ATP10B: variants seen among roughly 807,000 people sequenced by gnomAD.
ATP10B encodes the protein phospholipid-transporting ATPase VB.
A neutral mutation model predicts 141.2 loss-of-function variants in ATP10B; 122 were observed. The ratio of observed to expected loss-of-function variants is 0.86; its 90% CI spans 0.75 to 1.00. ATP10B has a LOEUF of 1.00. ATP10B is among the 50% of genes least tolerant of loss of function. ATP10B has a pLI of 0.00. For missense variants in ATP10B, 1,876 were observed against 1,825.3 expected (o/e 1.03, Z -0.51); for synonymous variants, 685 against 692.0 (o/e 0.99, Z 0.16).
intron 7 of ATP10B, among the ~76,000 whole-genome samples, chr5:160,665,460 G>C (rs1581309127): frequency 6.6e-6 from 1 of 152,138 alleles, no homozygotes; most frequent in East Asian, 1.9e-4. Flanking sequence ...TAATTCTTAG[G>C]TTAAATAAAT....
Position 160,645,445 on chromosome 5 carries a change from G to A in ATP10B, c.762-1201C>T, listed in dbSNP as rs546581481. On this transcript the variant is annotated intron_variant, in intron 8 of 25. Coordinates refer to ENST00000327245, the MANE Select transcript of ATP10B (RefSeq NM_025153.3). ...TCGTTCCGAGCCACATCACTCACTC[G>A]GCCTCTTTCCTGTACCAGCTTTCAC... Among the ~76,000 whole-genome samples, 4 of 152,326 alleles carry A rather than the reference G, an allele frequency of 2.6e-5. No individual in the cohort carries two copies. The South Asian group carries it at 6.2e-4, about 24-fold the overall frequency.
intron 9 of ATP10B, among the ~76,000 whole-genome samples, chr5:160,640,884 G>A (rs1759810204): frequency 1.3e-5 from 2 of 152,152 alleles, no homozygotes; most frequent in African/African-American, 4.8e-5. Flanking sequence ...CCCTCATTCT[G>A]TAGTTGCCAA....
At chr5:160,759,958 G>A (rs1037240093) in intron 2 of ATP10B, among the ~76,000 whole-genome samples, 4 of 152,066 alleles carry the variant, frequency 2.6e-5, no homozygotes, top group Admixed American at 2.0e-4. Context: ...CACTTCCACC[G>A]CAGCCATTAC....
At chr5:160,716,077 T>G (rs1765636944) in intron 3 of ATP10B, among the ~76,000 whole-genome samples, 1 of 152,166 alleles carries the variant, frequency 6.6e-6, no homozygotes, top group African/African-American at 2.4e-5. Context: ...CACATCTATA[T>G]ACATACCTTG....
At chr5:160,874,444 C>T in the ATP10B span, among the ~76,000 whole-genome samples, 3 of 152,082 alleles carry the variant, frequency 2.0e-5, no homozygotes, top group Admixed American at 6.5e-5. Context: ...AAAAACAGAA[C>T]AGAAAAACTG....
intron 8 of ATP10B, among the ~76,000 whole-genome samples, chr5:160,646,168 G>C (rs1008130962): frequency 4.6e-5 from 7 of 152,080 alleles, no homozygotes; most frequent in Non-Finnish European, 8.8e-5. Context: ...AGGGAATCTA[G>C]GTCACAGACA....
intron 2 of ATP10B, among the ~76,000 whole-genome samples, chr5:160,730,352 G>A (rs146752902): frequency 7.2e-4 from 109 of 152,088 alleles, no homozygotes; most frequent in African/African-American, 2.5e-3. Flanking sequence ...ACCCTGAATG[G>A]AACGATATTT....
At chr5:160,726,786 G>T (rs892650732) in intron 2 of ATP10B, among the ~76,000 whole-genome samples, 5 of 151,890 alleles carry the variant, frequency 3.3e-5, no homozygotes, top group Non-Finnish European at 7.4e-5. Flanking sequence ...GCTGGAAACT[G>T]CTCAGGGCAA....
At chr5:160,860,469 G>A in the ATP10B span, among the ~76,000 whole-genome samples, 6 of 151,708 alleles carry the variant, frequency 4.0e-5, no homozygotes, top group Non-Finnish European at 8.8e-5. Flanking sequence ...TACATGTAAA[G>A]CAAATTTTTA....
At chr5:160,649,032 C>A in intron 8 of ATP10B, 139 bp downstream of exon 8, 1 of 364,448 alleles carries the variant, frequency 2.7e-6, no homozygotes, top group Non-Finnish European at 4.8e-6. Context: ...ATTTAAATTT[C>A]TCTAGTCCCT....
rs966500606 is a variant in ATP10B at position 160,808,033 on chromosome 5, C to T, written c.-575-22230G>A. 2.6e-5 allele frequency among the ~76,000 whole-genome samples: 4 copies of T among 152,088 alleles called. No individual in the cohort carries two copies. The South Asian group carries it at 8.3e-4, about 32-fold the overall frequency. On this transcript the variant is annotated intron_variant, in intron 1 of 25. Coordinates refer to ENST00000327245, the MANE Select transcript of ATP10B (RefSeq NM_025153.3). ...TATAATAGCTTGAATAAAATAATCT[C>T]CATTGTCAAAAAACAGACGGGAGAG...
Position 160,698,821 on chromosome 5 carries a change from T to C in ATP10B, c.-204-9878A>G, listed in dbSNP as rs1764519281. On this transcript the variant is annotated intron_variant, in intron 3 of 25. Transcript: ENST00000327245. ...GACTGAGAAGGACAAGGCAAGCGTCTTGGGGAAGTAGAAATAGCCAATTAG... is the reference window on the plus strand; with the variant it reads ...GACTGAGAAGGACAAGGCAAGCGTCCTGGGGAAGTAGAAATAGCCAATTAG... 3.3e-5 allele frequency among the ~76,000 whole-genome samples: 5 copies of C among 152,154 alleles called. No individual in the cohort carries two copies. In the South Asian group the frequency reaches 1.0e-3, roughly 32 times the overall value.
At chr5:160,632,487 A>G in intron 12 of ATP10B, 120 bp from the exon 13 acceptor site, 1 of 910,254 alleles carries the variant, frequency 1.1e-6, no homozygotes, top group Non-Finnish European at 1.7e-6. Context: ...TACTCTGAAA[A>G]ATTGGCATCT....
chr5:160,583,714 G>C (rs768009913), intron 24 of ATP10B, among the ~76,000 whole-genome samples: 11 of 152,222 alleles, frequency 7.2e-5, no homozygotes, highest in Non-Finnish European at 1.3e-4. Context: ...TTTTCTTGCA[G>C]AGATGCCCCA....
chr5:160,914,729 C>T, the ATP10B span, among the ~76,000 whole-genome samples: 8 of 152,260 alleles, frequency 5.3e-5, no homozygotes, highest in South Asian at 1.2e-3. Flanking sequence ...GTACTAACTA[C>T]GCACCTGTTC....
chr5:160,897,556 A>T, the ATP10B span, among the ~76,000 whole-genome samples: 2 of 152,250 alleles, frequency 1.3e-5, no homozygotes, highest in African/African-American at 2.4e-5. Context: ...AAACAAGTGG[A>T]AAAACATGTC....
rs115573013 is a variant in ATP10B, at chr5:160,836,155, T to C, written c.-576+15786A>G. Among the ~76,000 whole-genome samples, 914 of 152,220 alleles carry C rather than the reference T, an allele frequency of 6.0e-3. 12 individuals carry two copies. Among genetic ancestry groups the C allele is most frequent in the African/African-American group, 0.021 (870 of 41,542 alleles). ...GAGATTATTTAATGAGTACAATGTATATTATTTGGATACACTAAAAGCTGG... is the reference window on the plus strand; with the variant it reads ...GAGATTATTTAATGAGTACAATGTACATTATTTGGATACACTAAAAGCTGG... On this transcript the variant is annotated intron_variant, in intron 1 of 25. Transcript: ENST00000327245.
chr5:160,864,825 C>CA, the ATP10B span, among the ~76,000 whole-genome samples: 2 of 151,342 alleles, frequency 1.3e-5, no homozygotes, highest in African/African-American at 4.8e-5. Flanking sequence ...ACAACAGCTG[C>CA]AAAAAAATAA....
intron 7 of ATP10B, 48 bp from the exon 8 acceptor site, chr5:160,649,304 T>C: frequency 7.4e-7 from 1 of 1,349,088 alleles, no homozygotes; most frequent in Non-Finnish European, 1.1e-6. Flanking sequence ...AGGGATCTAG[T>C]TTTAATAGGA....
Sources: gnomAD v4.1 joint callset for allele counts (sites outside exome capture counted in the v4.1 genomes callset) on GRCh38, gnomAD v4.1.1 for gene constraint, MANE v1.5 for transcripts, NCBI Gene and HGNC (gene_info 2026-07-23, HGNC 2026-07-21) for gene names.